Variants in FBLN1 observed in about 807,000 individuals in gnomAD.
FBLN1 encodes fibulin 1.
FBLN1 carries 34 observed loss-of-function variants against 89.7 expected under a neutral mutation model. The ratio of observed to expected loss-of-function variants is 0.38; its 90% CI spans 0.29 to 0.50. The LOEUF (loss-of-function observed/expected upper bound fraction) is 0.50, where lower values mean the gene tolerates loss of function less well. Among genes scored for constraint, FBLN1 ranks in the 20% least tolerant of loss-of-function variants. FBLN1 has a pLI of 0.92. For synonymous variants in FBLN1, 393 were observed against 391.3 expected, an observed-to-expected ratio of 1.00 and a Z score of -0.05; for missense variants, 777 against 988.1, an observed-to-expected ratio of 0.79 and a Z score of 2.86.
At chr22:45,512,908 C>T (rs1217609965) in intron 1 of FBLN1, among the ~76,000 whole-genome samples, 1 of 152,190 alleles carries the variant, frequency 6.6e-6, no homozygotes, top group Non-Finnish European at 1.5e-5. Flanking sequence ...TAGGCTTGAG[C>T]CACCATGCCT....
In FBLN1 at chr22:45,562,196, G is replaced by C. The variant is rs2088856761; in HGVS notation, c.1697+11581G>C. On this transcript the variant is annotated intron_variant, in intron 14 of 16. Coordinates refer to ENST00000327858, the MANE Select transcript of FBLN1 (RefSeq NM_006486.3). This position sits in a 1 kb window ranked among gnomAD's most constrained non-coding sequence, Gnocchi z 7.8. The stretch of plus-strand genomic sequence containing the variant: ...ACCCAGGAAGTTAGGACCTGTCTCT[G>C]TTTCTATCACAGGAAGTTGGGATCT... Among the ~76,000 whole-genome samples, 1 of 152,318 alleles carries C rather than the reference G, an allele frequency of 6.6e-6. No individual in the cohort carries two copies. Among genetic ancestry groups the C allele is most frequent in the Non-Finnish European group, 1.5e-5 (1 of 68,026 alleles).
chr22:45,573,188 T>A (rs907962783), intron 14 of FBLN1, among the ~76,000 whole-genome samples: 8 of 151,418 alleles, frequency 5.3e-5, no homozygotes, highest in Admixed American at 5.3e-4. Context: ...ATTGCGCCAT[T>A]GTACTCCAGC....
At position 45,579,318 on chromosome 22, in the gene FBLN1, G is replaced by T. The variant is rs192555510; in HGVS notation, c.1972+2210G>T. On this transcript the variant is annotated intron_variant, in intron 16 of 16. Transcript: ENST00000327858. This position sits in a 1 kb window ranked among gnomAD's most constrained non-coding sequence, Gnocchi z 5.5. ...AACTGAGGCCCGGAAGGGCGAGGGG[G>T]CTTGCCAGTCTTCTTACAGTGAATC... is the stretch of plus-strand genomic sequence containing the variant. Among the ~76,000 whole-genome samples the T allele has an allele frequency of 6.6e-6, 1 of 152,398 alleles. No individual in the cohort carries two copies. The highest frequency in any genetic ancestry group is 1.5e-5 in the Non-Finnish European group (1 of 68,036).
intron 1 of FBLN1, among the ~76,000 whole-genome samples, chr22:45,510,313 T>C (rs185611466): frequency 6.6e-6 from 1 of 152,296 alleles, no homozygotes; most frequent in African/African-American, 2.4e-5. Flanking sequence ...CCCTATTTTG[T>C]TGCAACCCAG....
At chr22:45,527,001 T>G (rs1310003207) in intron 3 of FBLN1, among the ~76,000 whole-genome samples, 1 of 152,078 alleles carries the variant, frequency 6.6e-6, no homozygotes, top group African/African-American at 2.4e-5. Context: ...CCAGGAAGGA[T>G]TACTCACACC....
intron 16 of FBLN1, among the ~76,000 whole-genome samples, chr22:45,598,991 G>A (rs185991381): frequency 6.6e-6 from 1 of 152,356 alleles, no homozygotes; most frequent in East Asian, 1.9e-4. Context: ...TGGGTGCCCT[G>A]CAGAGGGAAG....
intron 16 of FBLN1, among the ~76,000 whole-genome samples, chr22:45,594,602 G>T (rs12168972): frequency 0.012 from 1,832 of 152,100 alleles, 46 homozygotes; most frequent in African/African-American, 0.041. Context: ...GGATCCATGG[G>T]TGGGTGTGTG....
chr22:45,514,460 G>C (rs1356882988), intron 1 of FBLN1, among the ~76,000 whole-genome samples: 2 of 152,206 alleles, frequency 1.3e-5, no homozygotes, highest in African/African-American at 2.4e-5. Flanking sequence ...GAAACCGGCA[G>C]TTCTGTAGCC....
chr22:45,600,399 C>A lies in FBLN1; in HGVS notation c.2065C>A (p.Arg689=). 1 of 1,614,154 alleles carries A rather than the reference C, an allele frequency of 6.2e-7. No homozygotes were observed. The highest frequency in any genetic ancestry group is 8.5e-7 in the Non-Finnish European group (1 of 1,180,036). Residue 689 remains arginine, a synonymous_variant, in exon 17 of 17, where the codon CGA becomes AGA. Transcript: ENST00000327858. ...NYVVGGVVSH[R]NVVNVHIFVS... ...TGTGGTCGGGGGCGTGGTCTCCCACCGAAATGTTGTCAACGTCCACATCTT... is the reference window on the plus strand; with the variant it reads ...TGTGGTCGGGGGCGTGGTCTCCCACAGAAATGTTGTCAACGTCCACATCTT...
intron 1 of FBLN1, among the ~76,000 whole-genome samples, chr22:45,514,969 G>A (rs2088150108): frequency 6.6e-6 from 1 of 152,204 alleles, no homozygotes; most frequent in Non-Finnish European, 1.5e-5. Flanking sequence ...ACACTGGTTT[G>A]CTGTGGGAGC....
Position 45,539,206 on chromosome 22 carries a change from T to G in FBLN1, c.923-2023T>G, listed in dbSNP as rs1310584032. 4.2e-3 allele frequency among the ~76,000 whole-genome samples: 258 copies of G among 60,956 alleles called. 1 individual carries two copies. Among genetic ancestry groups the G allele is most frequent in the Middle Eastern group, 6.0e-3 (1 of 166 alleles). 40.0% of individuals were successfully genotyped at this position (60,956 alleles called of 152,430 possible). ...CCCCCTTTCCCTCCTTCTTTTCTTCTTTTTTTTTTTTTTTTGAGACAGTCT... is the reference window on the plus strand; with the variant it reads ...CCCCCTTTCCCTCCTTCTTTTCTTCGTTTTTTTTTTTTTTTGAGACAGTCT... On this transcript the variant is annotated intron_variant, in intron 8 of 16. Transcript: ENST00000327858.
chr22:45,535,588 G>T (rs533302566), intron 8 of FBLN1: 12 of 494,522 alleles, frequency 2.4e-5, no homozygotes, highest in Non-Finnish European at 4.0e-5. Context: ...ACAAATGGGT[G>T]TGGCTGTGTT....
At chr22:45,527,634 CA>C (rs2088346617) in intron 3 of FBLN1, among the ~76,000 whole-genome samples, 1 of 152,056 alleles carries the variant, frequency 6.6e-6, no homozygotes, top group Admixed American at 6.5e-5. Flanking sequence ...AGCTTCCTTT[CA>C]AAACTGGGAC....
intron 4 of FBLN1, among the ~76,000 whole-genome samples, chr22:45,529,824 G>A (rs566849116): frequency 6.6e-5 from 10 of 152,248 alleles, no homozygotes; most frequent in Non-Finnish European, 1.0e-4. Flanking sequence ...CCGAGATGGC[G>A]CCATTGCATT....
chr22:45,519,624 C>CA (rs136720), intron 2 of FBLN1, among the ~76,000 whole-genome samples: 71,221 of 117,004 alleles, frequency 0.61, 20,199 homozygotes, highest in East Asian at 0.76. Flanking sequence ...AACTCTAACT[C>CA]AAAAAAAAAA....
intron 1 of FBLN1, among the ~76,000 whole-genome samples, chr22:45,508,496 C>T (rs1035374557): frequency 3.9e-5 from 6 of 152,022 alleles, no homozygotes; most frequent in Non-Finnish European, 7.4e-5. Context: ...CTCCTGACCT[C>T]GTGATCTGCT....
At chr22:45,565,010 G>A in intron 14 of FBLN1, 2 of 1,613,266 alleles carry the variant, frequency 1.2e-6, no homozygotes, top group Non-Finnish European at 8.5e-7. Context: ...GATGGACCTG[G>A]ACAGACAGTC....
intron 1 of FBLN1, among the ~76,000 whole-genome samples, chr22:45,506,917 C>T (rs2088029384): frequency 6.6e-6 from 1 of 152,208 alleles, no homozygotes; most frequent in Non-Finnish European, 1.5e-5. Context: ...ATATTTTATA[C>T]AACAAGATTT....
At chr22:45,518,646 T>G in intron 1 of FBLN1, 36 bp from the exon 2 acceptor site, 179 of 1,512,312 alleles carry the variant, frequency 1.2e-4, no homozygotes, top group Non-Finnish European at 1.5e-4. Flanking sequence ...CGCTGAGTGG[T>G]GAGCCACCTC....
Sources: allele counts gnomAD v4.1 joint callset (sites outside exome capture counted in the v4.1 genomes callset), GRCh38; gene constraint gnomAD v4.1.1; non-coding constraint Gnocchi (gnomAD v3.1); transcripts MANE v1.5; gene names NCBI Gene and HGNC (gene_info 2026-07-23, HGNC 2026-07-21).